Variants in UBE2Q2 observed in about 807,000 individuals in gnomAD.
UBE2Q2 encodes the protein ubiquitin-conjugating enzyme E2 Q2.
Under a neutral mutation model 59.9 loss-of-function variants are expected in UBE2Q2, and 54 were observed. The ratio of observed to expected loss-of-function variants is 0.90; its 90% confidence interval spans 0.72 to 1.13. The LOEUF (loss-of-function observed/expected upper bound fraction) is 1.13. Among genes scored for constraint, UBE2Q2 ranks in the 50% most tolerant of loss-of-function variants. The pLI is 0.00. For synonymous variants in UBE2Q2, 165 were observed against 155.2 expected (o/e 1.06, Z -0.47); for missense variants, 433 against 441.9 (o/e 0.98, Z 0.18).
chr15:75,871,181 A>G (rs1331163901), intron 4 of UBE2Q2, among the ~76,000 whole-genome samples: 1 of 152,270 alleles, frequency 6.6e-6, no homozygotes, highest in Admixed American at 6.5e-5. Flanking sequence ...ATGCATGCAC[A>G]TAAACATCTC....
chr15:75,844,730 T>C (rs901470763), intron 1 of UBE2Q2: 1 of 383,654 alleles, frequency 2.6e-6, no homozygotes, highest in Non-Finnish European at 4.8e-6. Flanking sequence ...GTCGTGAAAT[T>C]GATGTAGGAT....
chr15:75,885,770 T>C (rs537293357), intron 9 of UBE2Q2, among the ~76,000 whole-genome samples: 2 of 152,158 alleles, frequency 1.3e-5, no homozygotes, highest in African/African-American at 2.4e-5. Context: ...AAATCCCAGG[T>C]TGGGTGTGAA....
intron 4 of UBE2Q2, 111 bp downstream of exon 4, chr15:75,869,121 C>T: frequency 1.1e-6 from 1 of 916,428 alleles, no homozygotes; most frequent in Non-Finnish European, 1.6e-6. Flanking sequence ...ATTGAAAGCA[C>T]ATTGTGTTTG....
chr15:75,879,037 T>G (rs1201449191), intron 7 of UBE2Q2, 61 bp from the exon 8 acceptor site: 49 of 1,287,900 alleles, frequency 3.8e-5, no homozygotes, highest in Non-Finnish European at 5.2e-5. Flanking sequence ...TTTTTGAGTT[T>G]AGTTAAAAAA....
chr15:75,876,079 A>AAG, intron 5 of UBE2Q2, 108 bp from the exon 6 acceptor site: 1 of 1,140,578 alleles, frequency 8.8e-7, no homozygotes, highest in East Asian at 2.4e-5. Flanking sequence ...AAAAAAAAAA[A>AAG]AAAATGTTGA....
chr15:75,860,449 AT>A (rs35234468), intron 3 of UBE2Q2, among the ~76,000 whole-genome samples: 14,995 of 149,514 alleles, frequency 0.1, 1,872 homozygotes, highest in African/African-American at 0.3. Flanking sequence ...TTACCTATTT[AT>A]TTTTTTTTTA....
chr15:75,874,461 T>G (rs1897964229), intron 5 of UBE2Q2, among the ~76,000 whole-genome samples: 1 of 151,976 alleles, frequency 6.6e-6, no homozygotes, highest in Admixed American at 6.6e-5. Flanking sequence ...TTTTTGTATT[T>G]TTAGTAGAGA....
chr15:75,887,877 A>G (rs1898874667), intron 9 of UBE2Q2, among the ~76,000 whole-genome samples: 1 of 152,228 alleles, frequency 6.6e-6, no homozygotes, highest in Non-Finnish European at 1.5e-5. Flanking sequence ...TGCTCTTCAT[A>G]GTCAACTATT....
intron 5 of UBE2Q2, 104 bp from the exon 6 acceptor site, chr15:75,876,083 A>AATTT: frequency 8.8e-7 from 1 of 1,130,678 alleles, no homozygotes; most frequent in Non-Finnish European, 1.3e-6. Flanking sequence ...AAAAAAAAAA[A>AATTT]TGTTGAGTGG....
Position 75,854,684 on chromosome 15 carries a change from C to A in UBE2Q2, c.282+197C>A, listed in dbSNP as rs771528820. Among the ~76,000 whole-genome samples, 79 of 152,016 alleles carry A rather than the reference C, an allele frequency of 5.2e-4. 4 individuals are homozygous for A. The highest frequency in any genetic ancestry group is 2.2e-4 in the Non-Finnish European group (15 of 68,012). ...CTCTTTTATTTCCCACATGTATAAC[C>A]TTAATTTAGATTACAAATTAGGGAT... On this transcript the variant is annotated intron_variant, in intron 2 of 12. Transcript: ENST00000267938.
chr15:75,844,622 AACTC>A (rs1452382144), intron 1 of UBE2Q2: 21 of 962,816 alleles, frequency 2.2e-5, no homozygotes, highest in Middle Eastern at 2.3e-4. Flanking sequence ...CACTTTTAAA[AACTC>A]ACTCATTAAG....
chr15:75,879,173 T>C lies in UBE2Q2; in HGVS notation c.810T>C (p.Leu270=). ...KEKEGIEYIL[L]NFSFKDNFPF... is the part of the protein sequence containing the mutation. ...AAGAAGGCATAGAATATATTTTGCTTAACTTCTCTTTTAAGGTAAGAAAAT... is the reference window on the plus strand; with the variant it reads ...AAGAAGGCATAGAATATATTTTGCTCAACTTCTCTTTTAAGGTAAGAAAAT... Residue 270 remains leucine (L), a synonymous_variant, in exon 8 of 13, where the codon CTT becomes CTC. Transcript: ENST00000267938. The C allele has an allele frequency of 6.3e-7, 1 of 1,592,696 alleles. No individual in the cohort carries two copies. Among genetic ancestry groups the C allele is most frequent in the Non-Finnish European group, 8.6e-7 (1 of 1,168,590 alleles).
At chr15:75,875,025 T>C (rs1228343250) in intron 5 of UBE2Q2, among the ~76,000 whole-genome samples, 1 of 152,206 alleles carries the variant, frequency 6.6e-6, no homozygotes, top group Non-Finnish European at 1.5e-5. Context: ...CAAGCCCCCA[T>C]ATCTTGATTA....
rs557515545 is a variant in UBE2Q2 at position 75,872,209 on chromosome 15, C to T, written c.448-1219C>T. ...TGTCACTGTACTCCAGCCGGGGCAA[C>T]GGAGCGAGACTCCATCTCAAAAAAT... is the stretch of plus-strand genomic sequence containing the variant. On this transcript the variant is annotated intron_variant, in intron 4 of 12. Coordinates refer to ENST00000267938, the MANE Select transcript of UBE2Q2 (RefSeq NM_173469.4). Among the ~76,000 whole-genome samples the T allele has an allele frequency of 6.6e-5, 10 of 151,424 alleles. No individual in the cohort carries two copies. The South Asian group carries it at 1.7e-3, about 25-fold the overall frequency.
At chr15:75,897,520 C>G (rs544807305) in intron 12 of UBE2Q2, among the ~76,000 whole-genome samples, 1 of 152,100 alleles carries the variant, frequency 6.6e-6, no homozygotes, top group South Asian at 2.1e-4. Flanking sequence ...CACCACAAAA[C>G]CTTAACATTG....
chr15:75,843,990 C>T (rs1350031427), intron 1 of UBE2Q2, 144 bp downstream of exon 1: 3 of 1,404,308 alleles, frequency 2.1e-6, no homozygotes, highest in African/African-American at 3.1e-5. Flanking sequence ...GCGACTTGCC[C>T]ATCCCAGGCC....
At chr15:75,891,949 TTCTATGATCA>T (rs1899133392) in intron 11 of UBE2Q2, among the ~76,000 whole-genome samples, 1 of 152,162 alleles carries the variant, frequency 6.6e-6, no homozygotes. Flanking sequence ...TCTGACCTAT[TTCTATGATCA>T]GGAAAGGCAT....
rs1567034325 is a variant in UBE2Q2 at position 75,878,064 on chromosome 15, A to G, written c.734+43A>G. On this transcript the variant is annotated intron_variant, in intron 7 of 12. Coordinates refer to ENST00000267938, the MANE Select transcript of UBE2Q2 (RefSeq NM_173469.4). ...GCTCACCCACTCTTTGCAATGGTAG[A>G]CTATCACAGTGGAGGTTATTTTCCT... is the stretch of plus-strand genomic sequence containing the variant. 4.5e-6 allele frequency: 7 copies of G among 1,549,902 alleles called. No individual in the cohort carries two copies. In the East Asian group the frequency reaches 1.6e-4, roughly 35 times the overall value.
intron 11 of UBE2Q2, among the ~76,000 whole-genome samples, chr15:75,893,836 T>C (rs1899243894): frequency 6.6e-6 from 1 of 152,178 alleles, no homozygotes; most frequent in Non-Finnish European, 1.5e-5. Flanking sequence ...AAAAGTAAAA[T>C]GAAATTTTAA....
Sources: allele counts gnomAD v4.1 joint callset (sites outside exome capture counted in the v4.1 genomes callset), GRCh38; gene constraint gnomAD v4.1.1; transcripts MANE v1.5; gene names NCBI Gene and HGNC (gene_info 2026-07-23, HGNC 2026-07-21).